Variants in KCNQ5 observed in about 807,000 individuals in gnomAD.
KCNQ5 encodes the protein potassium voltage-gated channel subfamily KQT member 5.
Under a neutral mutation model 98.2 loss-of-function variants are expected in KCNQ5, and 30 were observed. The observed-to-expected ratio is 0.31, with a 90% CI of 0.23 to 0.41. The LOEUF (loss-of-function observed/expected upper bound fraction) is 0.41. Ranked by LOEUF, KCNQ5 falls within the 10% of genes least tolerant of loss-of-function variation. KCNQ5 has a pLI of 1.00. For synonymous variants in KCNQ5, 458 were observed against 449.4 expected (o/e 1.02, Z -0.24); for missense variants, 835 against 1,182.5 (o/e 0.71, Z 4.31).
At chr6:73,053,683 T>C (rs1402726590) in intron 3 of KCNQ5, among the ~76,000 whole-genome samples, 3 of 152,156 alleles carry the variant, frequency 2.0e-5, no homozygotes, top group African/African-American at 7.2e-5. Flanking sequence ...CCAGAATCTC[T>C]GGGACACAGC....
At chr6:72,861,394 T>C (rs959286162) in intron 1 of KCNQ5, among the ~76,000 whole-genome samples, 2 of 152,062 alleles carry the variant, frequency 1.3e-5, no homozygotes, top group African/African-American at 4.8e-5. Flanking sequence ...GTGGTGTGTA[T>C]GGAATTAGAG....
At chr6:72,704,612 AG>A (rs1768982645) in intron 1 of KCNQ5, among the ~76,000 whole-genome samples, 2 of 147,630 alleles carry the variant, frequency 1.4e-5, no homozygotes, top group Non-Finnish European at 3.0e-5. Context: ...CCTAAGAAAA[AG>A]GGGATATTAA....
intron 1 of KCNQ5, among the ~76,000 whole-genome samples, chr6:72,846,649 A>AAT (rs1160203026): frequency 1.3e-5 from 2 of 152,158 alleles, no homozygotes; most frequent in African/African-American, 4.8e-5. Flanking sequence ...ACTGCACTTC[A>AAT]GCTTGGGTAA....
At chr6:73,007,789 A>C (rs558681254) in intron 2 of KCNQ5, among the ~76,000 whole-genome samples, 72 of 152,306 alleles carry the variant, frequency 4.7e-4, no homozygotes, top group African/African-American at 1.6e-3. Flanking sequence ...GGCGCAGACA[A>C]AAAATGTGGC....
At chr6:73,148,300 A>G (rs72951078) in intron 10 of KCNQ5, among the ~76,000 whole-genome samples, 1 of 152,368 alleles carries the variant, frequency 6.6e-6, no homozygotes, top group Non-Finnish European at 1.5e-5. Flanking sequence ...CATTCATATC[A>G]TAATTAATGT....
At chr6:72,840,744 G>T (rs951299505) in intron 1 of KCNQ5, among the ~76,000 whole-genome samples, 2 of 152,084 alleles carry the variant, frequency 1.3e-5, no homozygotes, top group Non-Finnish European at 2.9e-5. Context: ...TTTACTATTT[G>T]CCAGAAACAC....
At position 73,194,622 on chromosome 6, in the gene KCNQ5, C is replaced by T. The variant is rs149548711; in HGVS notation, c.2007C>T (p.Ser669=). Reference sequence around the variant, plus strand: ...TGGATAGCAAAGATCTTTCGGGTTCCGCACAAAACAGTGGCTGCTTATCCA... The same window carrying T: ...TGGATAGCAAAGATCTTTCGGGTTCTGCACAAAACAGTGGCTGCTTATCCA... ...SPVDSKDLSG[S]AQNSGCLSRS... is the part of the protein sequence containing the mutation. Residue 669 remains serine (S), a synonymous_variant, in exon 14 of 14, where the codon TCC becomes TCT. Coordinates refer to ENST00000370398, the MANE Select transcript of KCNQ5 (RefSeq NM_019842.4). The T allele has an allele frequency of 1.1e-4, 181 of 1,614,184 alleles. No homozygotes were observed. In the African/African-American group the frequency reaches 1.5e-3, roughly 13 times the overall value.
At chr6:73,018,004 T>G (rs1478643113) in intron 2 of KCNQ5, among the ~76,000 whole-genome samples, 3 of 152,128 alleles carry the variant, frequency 2.0e-5, no homozygotes, top group Non-Finnish European at 4.4e-5. Flanking sequence ...TGAACGTTAT[T>G]TTTTAAATCA....
chr6:73,096,031 G>A (rs1477210255), intron 5 of KCNQ5, among the ~76,000 whole-genome samples: 1 of 152,192 alleles, frequency 6.6e-6, no homozygotes, highest in Non-Finnish European at 1.5e-5. Context: ...AAGCTGAGGA[G>A]CAAGGAAGCC....
At chr6:72,654,437 A>G (rs1766039795) in intron 1 of KCNQ5, among the ~76,000 whole-genome samples, 1 of 152,092 alleles carries the variant, frequency 6.6e-6, no homozygotes, top group African/African-American at 2.4e-5. Flanking sequence ...ACAGTAACCA[A>G]GGTACAGTAA....
At chr6:73,026,824 G>A (rs1007938391) in intron 2 of KCNQ5, among the ~76,000 whole-genome samples, 4 of 151,684 alleles carry the variant, frequency 2.6e-5, no homozygotes, top group African/African-American at 9.7e-5. Flanking sequence ...ACCCTATTAA[G>A]AATGGATTTT....
intron 1 of KCNQ5, among the ~76,000 whole-genome samples, chr6:72,645,913 C>T (rs1027987782): frequency 6.6e-6 from 1 of 152,060 alleles, no homozygotes; most frequent in East Asian, 1.9e-4. Flanking sequence ...TACTTACCTC[C>T]CTGAAAGGCA....
chr6:72,755,156 A>G (rs1561962395), intron 1 of KCNQ5, among the ~76,000 whole-genome samples: 2 of 151,952 alleles, frequency 1.3e-5, no homozygotes, highest in Non-Finnish European at 2.9e-5. Context: ...CAGTCACTCC[A>G]GCTTTCTTTT....
chr6:72,865,465 T>C (rs144734595), intron 1 of KCNQ5, among the ~76,000 whole-genome samples: 194 of 152,292 alleles, frequency 1.3e-3, no homozygotes, highest in African/African-American at 4.5e-3. Flanking sequence ...CTATCTCAGG[T>C]CATATAATGG....
rs181671488 is a variant in KCNQ5 at position 73,110,924 on chromosome 6, C to T, written c.1030-384C>T. ...AGTTGAAATTCATGTTCTCTACATT[C>T]CATCACTGGATGAGACCATTCAATC... On this transcript the variant is annotated intron_variant, in intron 6 of 13. Coordinates refer to ENST00000370398, the MANE Select transcript of KCNQ5 (RefSeq NM_019842.4). Among the ~76,000 whole-genome samples, 176 of 152,282 alleles carry T rather than the reference C, an allele frequency of 1.2e-3. 2 individuals are homozygous for T. The highest frequency in any genetic ancestry group is 6.8e-3 in the Middle Eastern group (2 of 294).
At chr6:72,937,952 C>A (rs1438439941) in intron 1 of KCNQ5, among the ~76,000 whole-genome samples, 1 of 152,090 alleles carries the variant, frequency 6.6e-6, no homozygotes. Flanking sequence ...TTATAACTTA[C>A]AATTGGGAAA....
Position 72,841,560 on chromosome 6 carries a change from A to G in KCNQ5, c.399-162348A>G, listed in dbSNP as rs535950920. Among the ~76,000 whole-genome samples the G allele has an allele frequency of 3.9e-5, 6 of 152,340 alleles. No homozygotes were observed. In the East Asian group the frequency reaches 1.2e-3, roughly 29 times the overall value. Reference sequence around the variant, plus strand: ...TAAATTTCTACATTCTTTCTCATGCATATTCCTCCTAAAACGAACTGTTAA... The same window carrying G: ...TAAATTTCTACATTCTTTCTCATGCGTATTCCTCCTAAAACGAACTGTTAA... On this transcript the variant is annotated intron_variant, in intron 1 of 13. Coordinates refer to ENST00000370398, the MANE Select transcript of KCNQ5 (RefSeq NM_019842.4).
At chr6:72,978,444 C>G (rs1271652308) in intron 1 of KCNQ5, among the ~76,000 whole-genome samples, 3 of 152,202 alleles carry the variant, frequency 2.0e-5, no homozygotes, top group Non-Finnish European at 4.4e-5. Flanking sequence ...AGAAGCAGAG[C>G]CTTTTTATTT....
chr6:73,126,898 T>C (rs567635765), intron 9 of KCNQ5, among the ~76,000 whole-genome samples: 1 of 152,028 alleles, frequency 6.6e-6, no homozygotes, highest in South Asian at 2.1e-4. Flanking sequence ...TGACCTCAAG[T>C]AGTTTGTGGG....
Sources: gnomAD v4.1 joint callset for allele counts (sites outside exome capture counted in the v4.1 genomes callset) on GRCh38, gnomAD v4.1.1 for gene constraint, MANE v1.5 for transcripts, NCBI Gene and HGNC (gene_info 2026-07-23, HGNC 2026-07-21) for gene names.